Variants in LRRC49 observed in about 807,000 individuals in gnomAD.
LRRC49 encodes the protein leucine rich repeat containing 49, also known as leucine-rich repeat-containing protein 49.
Under a neutral mutation model 83.3 loss-of-function variants are expected in LRRC49, and 50 were observed. The observed-to-expected ratio is 0.60, with a 90% CI of 0.48 to 0.76. The LOEUF (loss-of-function observed/expected upper bound fraction) is 0.76. LRRC49 is among the 30% of genes least tolerant of loss of function. The pLI is 0.00. For synonymous variants in LRRC49, 286 were observed against 283.3 expected, an observed-to-expected ratio of 1.01 and a Z score of -0.10; for missense variants, 704 against 809.1, an observed-to-expected ratio of 0.87 and a Z score of 1.58.
chr15:70,906,555 G>GCT (rs1461237378), intron 5 of LRRC49, among the ~76,000 whole-genome samples: 7 of 152,152 alleles, frequency 4.6e-5, no homozygotes, highest in African/African-American at 1.7e-4. Flanking sequence ...TTTAAGCACT[G>GCT]CTCCTGGTTC....
intron 14 of LRRC49, among the ~76,000 whole-genome samples, chr15:71,026,185 C>T (rs1299467578): frequency 6.6e-6 from 1 of 151,920 alleles, no homozygotes; most frequent in Non-Finnish European, 1.5e-5. Flanking sequence ...TTCTGCTCCT[C>T]TGTTGGTTTG....
In LRRC49 at chr15:71,053,358, G is replaced by C. The variant is rs2040015818; in HGVS notation, c.*3746G>C. The C allele has an allele frequency of 6.6e-6, 1 of 152,244 alleles. No homozygotes were observed. Among genetic ancestry groups the C allele is most frequent in the South Asian group, 2.1e-4 (1 of 4,834 alleles). The allele number at this position is 152,244 out of a possible 1,614,324, so 9.4% of individuals were successfully genotyped here. On this transcript the variant is annotated 3_prime_UTR_variant, in exon 16 of 16. Transcript: ENST00000260382. The stretch of plus-strand genomic sequence containing the variant: ...AAAAGATTGAGTTGCCATCAACTGA[G>C]ATGAGAGCAATCTGTGAATGGAACA...
rs374056311 is a variant in LRRC49 at position 70,855,228 on chromosome 15, G to C, written c.-299+1759G>C. Among the ~76,000 whole-genome samples, 7 of 151,940 alleles carry C rather than the reference G, an allele frequency of 4.6e-5. No homozygotes were observed. In the South Asian group the frequency reaches 1.2e-3, roughly 27 times the overall value. On this transcript the variant is annotated intron_variant, in intron 1 of 16. Transcript: ENST00000544974. ...CACGTGCCTGTAATCCCAGCTACTCGGGAGGCTGAGGCAGGAGAATCACTT... is the reference window on the plus strand; with the variant it reads ...CACGTGCCTGTAATCCCAGCTACTCCGGAGGCTGAGGCAGGAGAATCACTT...
At chr15:70,996,914 G>A (rs2038093029) in intron 11 of LRRC49, among the ~76,000 whole-genome samples, 1 of 152,200 alleles carries the variant, frequency 6.6e-6, no homozygotes, top group Non-Finnish European at 1.5e-5. Flanking sequence ...GGTCAGAGAA[G>A]ACATTTTGTA....
At chr15:70,897,187 T>C (rs775643246) in intron 3 of LRRC49, among the ~76,000 whole-genome samples, 13 of 152,150 alleles carry the variant, frequency 8.5e-5, no homozygotes, top group Admixed American at 2.6e-4. Flanking sequence ...AGTAAACAGA[T>C]TTGAGGACGG....
At chr15:70,989,564 C>G (rs28796909) in intron 11 of LRRC49, among the ~76,000 whole-genome samples, 4,406 of 152,096 alleles carry the variant, frequency 0.029, 216 homozygotes, top group African/African-American at 0.1. Context: ...AACTTCTTTG[C>G]CTTTGGTTTG....
Position 70,901,018 on chromosome 15 carries a change from T to C in LRRC49, c.290T>C (p.Leu97Pro), listed in dbSNP as rs2034053124. 1 of 1,592,220 alleles carries C rather than the reference T, an allele frequency of 6.3e-7. No homozygotes were observed. The highest frequency in any genetic ancestry group is 1.4e-5 in the African/African-American group (1 of 73,894). ...EKILYSDRLS[L>P]ERQKLTVCPI... The stretch of plus-strand genomic sequence containing the variant: ...ATTCTTTACTCAGACAGGTTGAGCC[T>C]AGAAAGGTGAGGACAATTTCTTTTC... Residue 97 changes from leucine to proline, a missense_variant, in exon 4 of 16, where the codon CTA (leucine) becomes CCA (proline). Transcript: ENST00000260382.
upstream of LRRC49, among the ~76,000 whole-genome samples, chr15:70,890,534 G>C (rs2033527565): frequency 6.6e-6 from 1 of 152,190 alleles, no homozygotes; most frequent in Non-Finnish European, 1.5e-5. Flanking sequence ...CTCTCATGGA[G>C]CTTACATTCT....
At chr15:70,997,553 C>G (rs558195250) in intron 11 of LRRC49, among the ~76,000 whole-genome samples, 5 of 152,200 alleles carry the variant, frequency 3.3e-5, no homozygotes, top group African/African-American at 1.2e-4. Context: ...GAGTTTGAGA[C>G]CATCCTGGCC....
intron 2 of LRRC49, chr15:70,882,962 A>G (rs2033304527): frequency 1.3e-6 from 2 of 1,576,600 alleles, no homozygotes; most frequent in Non-Finnish European, 1.7e-6. Flanking sequence ...ATAGGATTTT[A>G]TCTTTCAAAA....
intron 14 of LRRC49, among the ~76,000 whole-genome samples, chr15:71,020,483 C>T (rs550328215): frequency 6.6e-5 from 10 of 151,218 alleles, no homozygotes; most frequent in Non-Finnish European, 1.0e-4. Flanking sequence ...CCCAGCTAAT[C>T]GCAAAAAGGA....
intron 7 of LRRC49, among the ~76,000 whole-genome samples, chr15:70,925,008 C>T (rs926878509): frequency 9.9e-5 from 15 of 151,944 alleles, no homozygotes; most frequent in African/African-American, 3.6e-4. Flanking sequence ...TTCAGATTTA[C>T]TATGATATGT....
At chr15:71,026,059 C>T (rs1305776932) in intron 14 of LRRC49, among the ~76,000 whole-genome samples, 2 of 151,714 alleles carry the variant, frequency 1.3e-5, no homozygotes, top group Non-Finnish European at 2.9e-5. Context: ...AATGTTATTC[C>T]CTCCCTTAGC....
chr15:71,010,512 A>G (rs960637687), intron 13 of LRRC49, among the ~76,000 whole-genome samples: 1 of 151,956 alleles, frequency 6.6e-6, no homozygotes, highest in African/African-American at 2.4e-5. Flanking sequence ...GAAAGATAAA[A>G]TAAGAGAAAG....
chr15:70,941,651 T>A (rs2035820946), intron 8 of LRRC49, among the ~76,000 whole-genome samples: 2 of 152,196 alleles, frequency 1.3e-5, no homozygotes, highest in South Asian at 2.1e-4. Flanking sequence ...AGTCACTTTT[T>A]AAATTATTAT....
chr15:70,962,374 AG>A (rs1415965094), intron 8 of LRRC49, among the ~76,000 whole-genome samples: 1 of 152,162 alleles, frequency 6.6e-6, no homozygotes, highest in Admixed American at 6.5e-5. Flanking sequence ...GCATATACAC[AG>A]GTTTCTGTAC....
At chr15:70,992,358 C>T (rs1375527410) in intron 11 of LRRC49, among the ~76,000 whole-genome samples, 6 of 152,342 alleles carry the variant, frequency 3.9e-5, no homozygotes, top group African/African-American at 1.2e-4. Flanking sequence ...CGAGGAGCTG[C>T]GTTCCTTTGG....
intron 14 of LRRC49, among the ~76,000 whole-genome samples, chr15:71,017,304 A>G (rs1290168078): frequency 4.6e-5 from 7 of 152,184 alleles, no homozygotes; most frequent in Non-Finnish European, 8.8e-5. Flanking sequence ...GATACATTTT[A>G]TATCTTAGAA....
At chr15:70,899,980 G>A (rs573083123) in intron 3 of LRRC49, among the ~76,000 whole-genome samples, 1 of 152,096 alleles carries the variant, frequency 6.6e-6, no homozygotes, top group Non-Finnish European at 1.5e-5. Context: ...CTCATTTCTG[G>A]AACTTCTCAT....
Sources: allele counts gnomAD v4.1 joint callset (sites outside exome capture counted in the v4.1 genomes callset), GRCh38; gene constraint gnomAD v4.1.1; transcripts MANE v1.5; gene names NCBI Gene and HGNC (gene_info 2026-07-23, HGNC 2026-07-21).